Variants in VDR observed in about 807,000 individuals in gnomAD.
VDR encodes vitamin D receptor, also known as vitamin D3 receptor.
VDR carries 19 observed loss-of-function variants against 39.7 expected under a neutral mutation model. The ratio of observed to expected loss-of-function variants is 0.48; its 90% CI spans 0.33 to 0.70. The LOEUF is 0.70. Among genes scored for constraint, VDR ranks in the 30% least tolerant of loss-of-function variants. VDR has a pLI of 0.02. For synonymous variants in VDR, 242 were observed against 215.8 expected, an observed-to-expected ratio of 1.12 and a Z score of -1.07; for missense variants, 442 against 570.5, an observed-to-expected ratio of 0.77 and a Z score of 2.29.
At chr12:47,893,661 C>G (rs1043605353) in intron 1 of VDR, among the ~76,000 whole-genome samples, 5 of 152,132 alleles carry the variant, frequency 3.3e-5, no homozygotes, top group African/African-American at 1.2e-4. Flanking sequence ...CCGCAGGATC[C>G]CCAAACCTGC....
chr12:47,845,052 G>T, intron 9 of VDR, 47 bp from the exon 10 acceptor site: 1 of 1,602,244 alleles, frequency 6.2e-7, no homozygotes, highest in Non-Finnish European at 8.5e-7. Flanking sequence ...TCTCAGCTGG[G>T]CCCCTCACTG....
At chr12:47,872,716 C>G (rs1945908102) in intron 3 of VDR, among the ~76,000 whole-genome samples, 1 of 152,200 alleles carries the variant, frequency 6.6e-6, no homozygotes, top group Non-Finnish European at 1.5e-5. Flanking sequence ...GTTTAGGAAC[C>G]TCTTTTCAGA....
intron 7 of VDR, among the ~76,000 whole-genome samples, chr12:47,852,374 T>G (rs1353209014): frequency 6.6e-6 from 1 of 152,228 alleles, no homozygotes; most frequent in East Asian, 1.9e-4. Context: ...ATGTGGAGTT[T>G]GCAAACAGTA....
In VDR at chr12:47,860,245, C is replaced by T. The variant is rs1416363853; in HGVS notation, c.278-2557G>A. Among the ~76,000 whole-genome samples, 8 of 152,126 alleles carry T rather than the reference C, an allele frequency of 5.3e-5. No homozygotes were observed. In the South Asian group the frequency reaches 8.3e-4, roughly 16 times the overall value. On this transcript the variant is annotated intron_variant, in intron 4 of 9. Coordinates refer to ENST00000549336, the MANE Select transcript of VDR (RefSeq NM_000376.3). The stretch of plus-strand genomic sequence containing the variant: ...CCTCCCAAAGTGCTGGGATTACAGG[C>T]GTGAGCTACCATGCCCGGCCTTTGT...
At chr12:47,875,300 CT>C (rs1945977925) in intron 3 of VDR, among the ~76,000 whole-genome samples, 1 of 152,190 alleles carries the variant, frequency 6.6e-6, no homozygotes. Context: ...GTCTCCAGGG[CT>C]TGGAAAAGAG....
chr12:47,866,330 C>T (rs1945735283), intron 3 of VDR, among the ~76,000 whole-genome samples: 1 of 152,004 alleles, frequency 6.6e-6, no homozygotes, highest in Admixed American at 6.6e-5. Flanking sequence ...CTCCTGACCT[C>T]ATGATCCGCC....
chr12:47,877,254 G>A (rs1160449814), intron 3 of VDR, among the ~76,000 whole-genome samples: 1 of 152,050 alleles, frequency 6.6e-6, no homozygotes, highest in Non-Finnish European at 1.5e-5. Context: ...ACACACACGA[G>A]GAAAGTGGCT....
rs1377454068 is a variant in VDR at position 47,844,727 on chromosome 12, C to A, written c.*19G>T. ...CTGGAGGAGCAGCCCCACCCAGGCA[C>A]CGCCACAGGCTGTCCTAGTCAGGAG... On this transcript the variant is annotated 3_prime_UTR_variant, in exon 10 of 10. Coordinates refer to ENST00000549336, the MANE Select transcript of VDR (RefSeq NM_000376.3). 1.2e-6 allele frequency: 2 copies of A among 1,613,732 alleles called. No homozygotes were observed. The highest frequency in any genetic ancestry group is 1.7e-6 in the Non-Finnish European group (2 of 1,179,948).
chr12:47,866,403 C>A (rs1186999768), intron 3 of VDR, among the ~76,000 whole-genome samples: 1 of 152,176 alleles, frequency 6.6e-6, no homozygotes, highest in Non-Finnish European at 1.5e-5. Context: ...CCGAAGAAAC[C>A]TTTTTAAATA....
intron 1 of VDR, among the ~76,000 whole-genome samples, chr12:47,899,117 G>C (rs1224961451): frequency 6.6e-6 from 1 of 152,186 alleles, no homozygotes; most frequent in Admixed American, 6.5e-5. Flanking sequence ...ACCTTCACAA[G>C]CTCATCAGCT....
chr12:47,872,047 C>T (rs1592127852), intron 3 of VDR, among the ~76,000 whole-genome samples: 1 of 152,242 alleles, frequency 6.6e-6, no homozygotes, highest in East Asian at 1.9e-4. Flanking sequence ...TTACTTTTCA[C>T]TTACATATCC....
At chr12:47,871,457 T>A (rs1277859713) in intron 3 of VDR, among the ~76,000 whole-genome samples, 1 of 135,402 alleles carries the variant, frequency 7.4e-6, no homozygotes, top group Non-Finnish European at 1.6e-5. Flanking sequence ...TTCTTTTCTC[T>A]CTTTCTTTCT....
rs1339237444 is a variant in VDR at position 47,841,933 on chromosome 12, T to C, written c.*2813A>G. The C allele has an allele frequency of 6.6e-6, 1 of 152,352 alleles. No homozygotes were observed. The highest frequency in any genetic ancestry group is 2.4e-5 in the African/African-American group (1 of 41,456). The allele number at this position is 152,352 out of a possible 1,614,324, so 9.4% of individuals were successfully genotyped here. On this transcript the variant is annotated 3_prime_UTR_variant, in exon 10 of 10. Transcript: ENST00000549336. The stretch of plus-strand genomic sequence containing the variant: ...ACAAATGTCTATTTCACACTCTCAT[T>C]CTAAAGTAGAATCGATGATGACCTT...
At position 47,844,165 on chromosome 12, in the gene VDR, G is replaced by A. The variant is rs1353857073; in HGVS notation, c.*581C>T. On this transcript the variant is annotated 3_prime_UTR_variant, in exon 10 of 10. Transcript: ENST00000549336. ...CTTGGGTCTCTCAGCAGGTGGGTTC[G>A]TGCCTGGTGCTCCAGTGATGGGAAG... The A allele has an allele frequency of 3.1e-5, 5 of 163,536 alleles. No homozygotes were observed. The highest frequency in any genetic ancestry group is 2.3e-4 in the Admixed American group (4 of 17,386). The allele number at this position is 163,536 out of a possible 1,614,324, so 10.1% of individuals were successfully genotyped here.
At chr12:47,869,930 G>A (rs1945817022) in intron 3 of VDR, among the ~76,000 whole-genome samples, 1 of 151,984 alleles carries the variant, frequency 6.6e-6, no homozygotes, top group Admixed American at 6.6e-5. Context: ...AGTACTGGGG[G>A]TAAAAAAAAA....
Position 47,884,626 on chromosome 12 carries a change from G to A in VDR, c.-83-1852C>T, listed in dbSNP as rs113369607. Among the ~76,000 whole-genome samples, 10 of 152,274 alleles carry A rather than the reference G, an allele frequency of 6.6e-5. 1 individual carries two copies. The highest frequency in any genetic ancestry group is 1.4e-4 in the African/African-American group (6 of 41,540). On this transcript the variant is annotated intron_variant, in intron 1 of 9. Coordinates refer to ENST00000549336, the MANE Select transcript of VDR (RefSeq NM_000376.3). ...CTATCTTAGGGGTGGAAACTGAGGC[G>A]CAGGGAAGGTGATTGTCTTTGGAGC...
intron 1 of VDR, chr12:47,899,996 G>T: frequency 1.0e-6 from 1 of 978,522 alleles, no homozygotes; most frequent in Non-Finnish European, 1.2e-6. Context: ...GGTAGGCAAA[G>T]TGAGAATAGC....
chr12:47,878,678 G>C (rs11574050), intron 3 of VDR: 1 of 493,218 alleles, frequency 2.0e-6, no homozygotes, highest in East Asian at 5.0e-5. Flanking sequence ...GGATGGACAC[G>C]TGGGTTGGTG....
intron 3 of VDR, among the ~76,000 whole-genome samples, chr12:47,872,936 A>C (rs1180813569): frequency 6.6e-6 from 1 of 152,032 alleles, no homozygotes; most frequent in South Asian, 2.1e-4. Context: ...TTTACAAGTG[A>C]CACAAAAAGG....
Sources: gnomAD v4.1 joint callset for allele counts (sites outside exome capture counted in the v4.1 genomes callset) on GRCh38, gnomAD v4.1.1 for gene constraint, MANE v1.5 for transcripts, NCBI Gene and HGNC (gene_info 2026-07-23, HGNC 2026-07-21) for gene names.